Variants in ANKRD10 observed in about 807,000 individuals in gnomAD.
ANKRD10 encodes the protein ankyrin repeat domain-containing protein 10.
ANKRD10 carries 14 observed loss-of-function variants against 27.0 expected under a neutral mutation model. The ratio of observed to expected loss-of-function variants is 0.52; its 90% confidence interval spans 0.34 to 0.81. ANKRD10 has a LOEUF of 0.81. ANKRD10 is among the 40% of genes least tolerant of loss of function. The pLI is 0.01. For missense variants in ANKRD10, 493 were observed against 544.0 expected (o/e 0.91, Z 0.93); for synonymous variants, 250 against 224.5 (o/e 1.11, Z -1.01).
chr13:110,889,911 C>T (rs1275224874), intron 4 of ANKRD10, among the ~76,000 whole-genome samples: 3 of 152,150 alleles, frequency 2.0e-5, no homozygotes, highest in Non-Finnish European at 2.9e-5. Flanking sequence ...AAGATATTAT[C>T]CCTGGCACCT....
chr13:110,895,914 C>T (rs2148568), intron 3 of ANKRD10, among the ~76,000 whole-genome samples: 51,865 of 152,028 alleles, frequency 0.34, 9,346 homozygotes, highest in South Asian at 0.42. Context: ...TAGTTAAATA[C>T]GTGCTTGTCC....
Position 110,910,683 on chromosome 13 carries a change from C to G in ANKRD10, c.298G>C (p.Ala100Pro). The G allele has an allele frequency of 6.2e-7, 1 of 1,614,172 alleles. No individual in the cohort carries two copies. Among genetic ancestry groups the G allele is most frequent in the Non-Finnish European group, 8.5e-7 (1 of 1,180,016 alleles). Reference sequence around the variant, plus strand: ...AGGCACTGAGGATGTCCCCCAAAGGCTGCAATGTGGGCTGGCGTCTGCGCG... The same window carrying G: ...AGGCACTGAGGATGTCCCCCAAAGGGTGCAATGTGGGCTGGCGTCTGCGCG... ...RYAQTPAHIA[A>P]FGGHPQCLVW... Residue 100 changes from alanine to proline, a missense_variant, in exon 2 of 6, where the codon GCC becomes CCC. Coordinates refer to ENST00000267339, the MANE Select transcript of ANKRD10 (RefSeq NM_017664.4).
chr13:110,891,486 C>T (rs539003909), intron 4 of ANKRD10, among the ~76,000 whole-genome samples: 1 of 152,268 alleles, frequency 6.6e-6, no homozygotes, highest in East Asian at 1.9e-4. Context: ...CTGTTAAGTT[C>T]ATACATTACT....
At chr13:110,903,790 T>C (rs2065451021) in intron 3 of ANKRD10, among the ~76,000 whole-genome samples, 1 of 152,198 alleles carries the variant, frequency 6.6e-6, no homozygotes, top group South Asian at 2.1e-4. Context: ...TATTATAGCA[T>C]GTAATATGAA....
chr13:110,892,436 A>AAAAAAAAAAAAT (rs1555321016), intron 4 of ANKRD10, among the ~76,000 whole-genome samples: 1 of 144,470 alleles, frequency 6.9e-6, no homozygotes, highest in Non-Finnish European at 1.5e-5. Flanking sequence ...AAAAAAAAAA[A>AAAAAAAAAAAAT]TGGTGGGAGA....
Position 110,910,727 on chromosome 13 carries a change from T to G in ANKRD10, c.254A>C (p.Asn85Thr). 1 of 1,614,140 alleles carries G rather than the reference T, an allele frequency of 6.2e-7. No individual in the cohort carries two copies. The highest frequency in any genetic ancestry group is 8.5e-7 in the Non-Finnish European group (1 of 1,180,008). ...CTGCGCGTACCGTGTGGTGGAGACG[T>G]TGAGTGTGGCTCCCGCTCTCACCAA... is the stretch of plus-strand genomic sequence containing the variant. Reference protein sequence around the residue: ...VQLVRAGATLNVSTTRYAQTP... With the variant: ...VQLVRAGATLTVSTTRYAQTP... The change falls in exon 2 of 6, where the codon AAC (asparagine) becomes ACC (threonine). Residue 85 changes from asparagine (N) to threonine (T), a missense_variant. Asn to Thr is a moderately conservative substitution (Grantham distance 65). Coordinates refer to ENST00000267339, the MANE Select transcript of ANKRD10 (RefSeq NM_017664.4).
In ANKRD10 at chr13:110,879,778, A is replaced by G. The variant is rs373362071; in HGVS notation, c.1122T>C (p.Tyr374=). 1.7e-4 allele frequency: 278 copies of G among 1,614,104 alleles called. 1 individual carries two copies. The highest frequency in any genetic ancestry group is 2.2e-4 in the Non-Finnish European group (259 of 1,180,042). The change falls in exon 6 of 6, where the codon TAT becomes TAC. Residue 374 remains tyrosine (Y), a synonymous_variant. Transcript: ENST00000267339. The stretch of plus-strand genomic sequence containing the variant: ...TGTCCCCAAACCCGTGGTAGTGTCC[A>G]TAGTACAGGTTATCCCCAATGTCTT... ...WVEDIGDNLY[Y]GHYHGFGDTA... is the part of the protein sequence containing the mutation.
Position 110,879,538 on chromosome 13 carries a change from C to A in ANKRD10, c.*99G>T, listed in dbSNP as rs1547178. The A allele has an allele frequency of 0.65, 583,331 of 901,694 alleles. 193,814 individuals are homozygous for A. The highest frequency in any genetic ancestry group is 0.96 in the East Asian group (35,894 of 37,566). The allele number at this position is 901,694 out of a possible 1,614,324, so 55.9% of individuals were successfully genotyped here. Reference sequence around the variant, plus strand: ...TCAGAAAGTTGAAGTATATAAAAAACGTACAAGTTGTGACATTCGTTCAAG... The same window carrying A: ...TCAGAAAGTTGAAGTATATAAAAAAAGTACAAGTTGTGACATTCGTTCAAG... On this transcript the variant is annotated 3_prime_UTR_variant, in exon 6 of 6. Transcript: ENST00000267339.
intron 3 of ANKRD10, among the ~76,000 whole-genome samples, chr13:110,903,134 T>C (rs2065430944): frequency 6.6e-6 from 1 of 152,198 alleles, no homozygotes; most frequent in South Asian, 2.1e-4. Flanking sequence ...TAGTATATCC[T>C]CTTCTTCCAG....
chr13:110,914,085 A>G (rs9583547), intron 1 of ANKRD10, among the ~76,000 whole-genome samples: 95,523 of 152,134 alleles, frequency 0.63, 30,512 homozygotes, highest in Middle Eastern at 0.72. Flanking sequence ...GGCCAGCTAC[A>G]AGCCTTAAAG....
intron 3 of ANKRD10, chr13:110,894,796 G>A (rs1015659823): frequency 1.3e-5 from 2 of 152,062 alleles, no homozygotes; most frequent in South Asian, 2.1e-4. Context: ...GTATTTTCTA[G>A]TATTGCATAA....
Position 110,912,936 on chromosome 13 carries a change from G to C in ANKRD10, c.210+1789C>G, listed in dbSNP as rs80153958. 2.0e-3 allele frequency among the ~76,000 whole-genome samples: 306 copies of C among 152,298 alleles called. 7 individuals carry two copies. The East Asian group carries it at 0.043, about 21-fold the overall frequency. On this transcript the variant is annotated intron_variant, in intron 1 of 5. Coordinates refer to ENST00000267339, the MANE Select transcript of ANKRD10 (RefSeq NM_017664.4). Reference sequence around the variant, plus strand: ...AAGAGCCCTATGATTCAGACAGCTGGAAACAATGAAGTAACTGCTTCTTGT... The same window carrying C: ...AAGAGCCCTATGATTCAGACAGCTGCAAACAATGAAGTAACTGCTTCTTGT...
intron 2 of ANKRD10, among the ~76,000 whole-genome samples, chr13:110,907,416 C>T (rs1440481354): frequency 6.6e-6 from 1 of 152,152 alleles, no homozygotes; most frequent in Non-Finnish European, 1.5e-5. Flanking sequence ...CTGTGGGTCA[C>T]TTAGAAAACA....
At chr13:110,901,877 C>T (rs1446565356) in intron 3 of ANKRD10, among the ~76,000 whole-genome samples, 2 of 152,034 alleles carry the variant, frequency 1.3e-5, no homozygotes, top group East Asian at 3.9e-4. Flanking sequence ...CCCATCTCTA[C>T]TAAACATTTT....
chr13:110,900,511 C>T, intron 3 of ANKRD10: 3 of 1,262,412 alleles, frequency 2.4e-6, no homozygotes, highest in Non-Finnish European at 3.1e-6. Flanking sequence ...GCGTTAAAAC[C>T]AATCACCGCA....
At chr13:110,891,480 TA>T (rs2065071473) in intron 4 of ANKRD10, among the ~76,000 whole-genome samples, 1 of 152,228 alleles carries the variant, frequency 6.6e-6, no homozygotes, top group African/African-American at 2.4e-5. Flanking sequence ...ATAAAACTGT[TA>T]AGTTCATACA....
intron 3 of ANKRD10, chr13:110,894,109 CT>C: frequency 6.2e-7 from 1 of 1,601,660 alleles, no homozygotes; most frequent in South Asian, 1.1e-5. Flanking sequence ...ACTTGTAAAC[CT>C]TTAGACACTG....
intron 3 of ANKRD10, 73 bp from the exon 4 acceptor site, chr13:110,893,336 T>A: frequency 1.4e-6 from 2 of 1,425,748 alleles, no homozygotes; most frequent in Non-Finnish European, 1.9e-6. Flanking sequence ...CTGAACTGAC[T>A]AGCTATCTGA....
At chr13:110,914,625 C>G (rs1464192353) in intron 1 of ANKRD10, 100 bp downstream of exon 1, 4 of 1,430,480 alleles carry the variant, frequency 2.8e-6, no homozygotes, top group Admixed American at 5.1e-5. Flanking sequence ...TTCCGCCCCG[C>G]GATCCCGGCA....
Sources: allele counts gnomAD v4.1 joint callset (sites outside exome capture counted in the v4.1 genomes callset), GRCh38; gene constraint gnomAD v4.1.1; transcripts MANE v1.5; gene names NCBI Gene and HGNC (gene_info 2026-07-23, HGNC 2026-07-21).